The following LRMDA variants were observed in gnomAD, a reference collection of about 807,000 sequenced individuals.
The protein encoded by LRMDA is leucine-rich melanocyte differentiation-associated protein.
A neutral mutation model predicts 29.8 loss-of-function variants in LRMDA; 18 were observed. That is an observed-to-expected ratio of 0.60 (90% CI 0.42 to 0.90). The LOEUF (loss-of-function observed/expected upper bound fraction) is 0.90. Ranked by LOEUF, LRMDA falls within the 40% of genes least tolerant of loss-of-function variation. The pLI is 0.00. For missense variants in LRMDA, 273 were observed against 273.9 expected (o/e 1.00, Z 0.02); for synonymous variants, 125 against 109.4 (o/e 1.14, Z -0.89).
chr10:76,429,164 AC>A (rs892353637), intron 6 of LRMDA, among the ~76,000 whole-genome samples: 9 of 151,910 alleles, frequency 5.9e-5, no homozygotes. Context: ...TGGAGAATTA[AC>A]AAAAAAAAAA....
chr10:76,006,983 C>CGT (rs572881040), intron 2 of LRMDA, among the ~76,000 whole-genome samples: 1,737 of 116,140 alleles, frequency 0.015, 40 homozygotes, highest in African/African-American at 0.024. Flanking sequence ...ATGGAGAAGG[C>CGT]GTGTGTGTGT....
intron 2 of LRMDA, among the ~76,000 whole-genome samples, chr10:75,520,622 G>A (rs1243920002): frequency 2.0e-5 from 3 of 152,122 alleles, no homozygotes; most frequent in Non-Finnish European, 2.9e-5. Context: ...CGATGGGTTC[G>A]AACATCTTCC....
At chr10:75,885,218 C>G (rs546721592) in intron 2 of LRMDA, among the ~76,000 whole-genome samples, 1 of 152,210 alleles carries the variant, frequency 6.6e-6, no homozygotes, top group South Asian at 2.1e-4. Context: ...GCCGCCACAT[C>G]CTGTTGCTCT....
At chr10:76,078,875 GATTCTT>G (rs908269061) in intron 5 of LRMDA, among the ~76,000 whole-genome samples, 7 of 152,098 alleles carry the variant, frequency 4.6e-5, no homozygotes, top group Admixed American at 3.9e-4. Flanking sequence ...GATTTCAGGT[GATTCTT>G]TTTGGAAGGT....
At chr10:75,734,380 A>G (rs1263105710) in intron 2 of LRMDA, among the ~76,000 whole-genome samples, 1 of 152,156 alleles carries the variant, frequency 6.6e-6, no homozygotes, top group Non-Finnish European at 1.5e-5. Flanking sequence ...CGCCATGTTT[A>G]GCCTCTGAGG....
At chr10:75,771,267 C>T (rs2132235070) in intron 2 of LRMDA, among the ~76,000 whole-genome samples, 1 of 152,184 alleles carries the variant, frequency 6.6e-6, no homozygotes, top group Middle Eastern at 3.4e-3. Context: ...TTCCCTCCTT[C>T]CTTCCATCCA....
chr10:75,480,762 A>G (rs1216925261), intron 2 of LRMDA, among the ~76,000 whole-genome samples: 1 of 152,200 alleles, frequency 6.6e-6, no homozygotes, highest in Non-Finnish European at 1.5e-5. Flanking sequence ...GGTGCAGGTT[A>G]GCAGATGAGT....
At chr10:75,621,127 A>G (rs1841177134) in intron 2 of LRMDA, among the ~76,000 whole-genome samples, 1 of 152,060 alleles carries the variant, frequency 6.6e-6, no homozygotes, top group Non-Finnish European at 1.5e-5. Flanking sequence ...TTAGAATAAT[A>G]GTCTCCAATT....
At chr10:75,664,198 G>T (rs1841792608) in intron 2 of LRMDA, among the ~76,000 whole-genome samples, 1 of 152,146 alleles carries the variant, frequency 6.6e-6, no homozygotes, top group East Asian at 1.9e-4. Flanking sequence ...AACCAGTCCT[G>T]CCTGTCTCTC....
intron 5 of LRMDA, among the ~76,000 whole-genome samples, chr10:76,132,963 C>G (rs112673574): frequency 7.3e-6 from 1 of 137,030 alleles, no homozygotes; most frequent in African/African-American, 2.9e-5. Context: ...CCACCACGCC[C>G]GGCTTTTTTT....
intron 5 of LRMDA, among the ~76,000 whole-genome samples, chr10:76,127,162 A>G (rs1849898373): frequency 6.6e-6 from 1 of 152,192 alleles, no homozygotes; most frequent in African/African-American, 2.4e-5. Context: ...TGCAAGTAGA[A>G]ATAAGGTCAT....
chr10:75,462,647 A>ACC (rs1844600890), intron 2 of LRMDA, among the ~76,000 whole-genome samples: 1 of 152,250 alleles, frequency 6.6e-6, no homozygotes, highest in South Asian at 2.1e-4. Flanking sequence ...TTTAAAAATA[A>ACC]TATTTCCTGA....
intron 2 of LRMDA, among the ~76,000 whole-genome samples, chr10:75,553,680 A>G (rs187687066): frequency 6.6e-6 from 1 of 152,194 alleles, no homozygotes; most frequent in East Asian, 1.9e-4. Context: ...AGGCAGACAT[A>G]TTTTGCTTCT....
chr10:75,466,748 T>A (rs573884097), intron 2 of LRMDA, among the ~76,000 whole-genome samples: 1 of 152,256 alleles, frequency 6.6e-6, no homozygotes, highest in Non-Finnish European at 1.5e-5. Flanking sequence ...GAAAGCCCTT[T>A]CGTCACAGAA....
chr10:75,873,808 G>A (rs112033358), intron 2 of LRMDA, among the ~76,000 whole-genome samples: 15 of 152,218 alleles, frequency 9.9e-5, no homozygotes, highest in African/African-American at 3.4e-4. Flanking sequence ...TGTCATCAGC[G>A]GGGAACAGCA....
At position 76,376,865 on chromosome 10, in the gene LRMDA, CTTTTTTTTTTTTTTTTTTT is replaced by C. The variant is rs71024600; in HGVS notation, c.601+52400_601+52418del. On this transcript the variant is annotated intron_variant, in intron 6 of 6. Coordinates refer to ENST00000611255, the MANE Select transcript of LRMDA (RefSeq NM_001305581.2). ...AAATGTTTGTTGGGCACTTGGAAGT[CTTTTTTTTTTTTTTTTTTT>C]TTTTTTTTTTTTTTTTTTTGAGACG... Among the ~76,000 whole-genome samples, 63 of 47,386 alleles carry C rather than the reference CTTTTTTTTTTTTTTTTTTT, an allele frequency of 1.3e-3. 8 individuals are homozygous for C. The highest frequency in any genetic ancestry group is 6.0e-3 in the South Asian group (7 of 1,172). 31.1% of individuals were successfully genotyped at this position (47,386 alleles called of 152,430 possible).
intron 2 of LRMDA, among the ~76,000 whole-genome samples, chr10:75,509,553 G>A (rs1845204373): frequency 6.6e-6 from 1 of 152,142 alleles, no homozygotes; most frequent in Non-Finnish European, 1.5e-5. Context: ...ATGATTTGCT[G>A]TATTTCTTCC....
chr10:76,144,979 A>G (rs1850283151), intron 5 of LRMDA, among the ~76,000 whole-genome samples: 1 of 152,162 alleles, frequency 6.6e-6, no homozygotes, highest in Admixed American at 6.5e-5. Flanking sequence ...GGTTCTGTTT[A>G]TATGCTGGAT....
intron 2 of LRMDA, among the ~76,000 whole-genome samples, chr10:75,516,482 G>T (rs534084975): frequency 3.3e-5 from 5 of 152,106 alleles, no homozygotes; most frequent in African/African-American, 9.7e-5. Context: ...TCATGTGTCT[G>T]TTGGCTGCAT....
Sources: gnomAD v4.1 joint callset for allele counts (sites outside exome capture counted in the v4.1 genomes callset) on GRCh38, gnomAD v4.1.1 for gene constraint, MANE v1.5 for transcripts, NCBI Gene and HGNC (gene_info 2026-07-23, HGNC 2026-07-21) for gene names.